The following REDIC1 variants were observed in gnomAD, a reference collection of about 807,000 sequenced individuals.
REDIC1 encodes the protein regulator of DNA class I crossover intermediates 1.
chr12:39,651,623 T>C, the REDIC1 span, among the ~76,000 whole-genome samples: 1 of 152,190 alleles, frequency 6.6e-6, no homozygotes, highest in Non-Finnish European at 1.5e-5. Context: ...CTACTTACAT[T>C]TCTGTTTGTA....
At chr12:39,701,833 A>G in the REDIC1 span, among the ~76,000 whole-genome samples, 7 of 151,886 alleles carry the variant, frequency 4.6e-5, no homozygotes, top group Non-Finnish European at 2.9e-5. Flanking sequence ...CTGCTCCTGA[A>G]TGACTACTGG....
chr12:39,864,936 C>T, the REDIC1 span: 12 of 1,504,038 alleles, frequency 8.0e-6, no homozygotes, highest in Non-Finnish European at 9.8e-6. Flanking sequence ...TGTTTTAAGG[C>T]AGACTGGGTT....
the REDIC1 span, among the ~76,000 whole-genome samples, chr12:39,699,076 T>C: frequency 6.6e-6 from 1 of 152,114 alleles, no homozygotes; most frequent in Admixed American, 6.5e-5. Flanking sequence ...TTAAACAAAA[T>C]TGACAAACAT....
chr12:39,810,946 G>A, the REDIC1 span, among the ~76,000 whole-genome samples: 1 of 152,062 alleles, frequency 6.6e-6, no homozygotes, highest in Non-Finnish European at 1.5e-5. Context: ...CTTATAAAAT[G>A]AGTTGGGAAA....
the REDIC1 span, among the ~76,000 whole-genome samples, chr12:39,644,855 G>A: frequency 6.6e-6 from 1 of 151,904 alleles, no homozygotes; most frequent in African/African-American, 2.4e-5. Flanking sequence ...GATTTATTTA[G>A]TAAGTTTTAT....
the REDIC1 span, among the ~76,000 whole-genome samples, chr12:39,773,009 C>A: frequency 6.6e-6 from 1 of 152,128 alleles, no homozygotes; most frequent in Non-Finnish European, 1.5e-5. Flanking sequence ...ACTAGAAATA[C>A]CAACTAAAAA....
chr12:39,644,311 TG>T, the REDIC1 span, among the ~76,000 whole-genome samples: 4 of 151,804 alleles, frequency 2.6e-5, no homozygotes, highest in Non-Finnish European at 4.4e-5. Context: ...CAAAGATTTT[TG>T]CTTCAATGAC....
chr12:39,725,993 C>A, the REDIC1 span, among the ~76,000 whole-genome samples: 1 of 152,068 alleles, frequency 6.6e-6, no homozygotes, highest in Non-Finnish European at 1.5e-5. Flanking sequence ...GTGATACTTG[C>A]ATTATGCTCA....
the REDIC1 span, among the ~76,000 whole-genome samples, chr12:39,719,266 G>A: frequency 2.6e-5 from 4 of 152,012 alleles, no homozygotes; most frequent in Non-Finnish European, 5.9e-5. Context: ...AAAGGATCCT[G>A]CTTATAATTA....
the REDIC1 span, among the ~76,000 whole-genome samples, chr12:39,823,053 A>G: frequency 6.6e-6 from 1 of 152,234 alleles, no homozygotes; most frequent in East Asian, 1.9e-4. Flanking sequence ...GTAACAGCCT[A>G]GAGGCATGTG....
chr12:39,896,209 T>C, the REDIC1 span, among the ~76,000 whole-genome samples: 5 of 148,852 alleles, frequency 3.4e-5, no homozygotes, highest in South Asian at 2.1e-4. Flanking sequence ...TGTATACATG[T>C]ATATACGTAT....
the REDIC1 span, among the ~76,000 whole-genome samples, chr12:39,742,683 T>G: frequency 6.6e-6 from 1 of 152,204 alleles, no homozygotes; most frequent in African/African-American, 2.4e-5. Flanking sequence ...AGCTGGAATT[T>G]TTCATGTTGT....
chr12:39,753,038 G>C, the REDIC1 span, among the ~76,000 whole-genome samples: 1 of 152,214 alleles, frequency 6.6e-6, no homozygotes, highest in East Asian at 1.9e-4. Flanking sequence ...AATGCTACTA[G>C]TCTGAGGACC....
At chr12:39,859,770 C>T in the REDIC1 span, among the ~76,000 whole-genome samples, 1 of 152,086 alleles carries the variant, frequency 6.6e-6, no homozygotes, top group Non-Finnish European at 1.5e-5. Context: ...TGGTGATCCG[C>T]CTGACTTGGC....
At chr12:39,807,185 G>A in the REDIC1 span, among the ~76,000 whole-genome samples, 2 of 152,194 alleles carry the variant, frequency 1.3e-5, no homozygotes, top group East Asian at 1.9e-4. Flanking sequence ...GTGGTCATGA[G>A]GAGTTAAGGA....
At chr12:39,658,655 C>T in the REDIC1 span, among the ~76,000 whole-genome samples, 4 of 152,116 alleles carry the variant, frequency 2.6e-5, no homozygotes, top group Non-Finnish European at 5.9e-5. Flanking sequence ...TTGTCCATCC[C>T]TTTGCCTCTT....
chr12:39,736,898 T>C, the REDIC1 span: 1 of 152,200 alleles, frequency 6.6e-6, no homozygotes, highest in Non-Finnish European at 1.5e-5. Flanking sequence ...CCCCAGCCCA[T>C]GGTGAGTAGA....
chr12:39,782,537 T>C, the REDIC1 span, among the ~76,000 whole-genome samples: 1 of 152,162 alleles, frequency 6.6e-6, no homozygotes, highest in Non-Finnish European at 1.5e-5. Context: ...ATTAAACCTC[T>C]TTTTCTTCCC....
chr12:39,716,830 T>C, the REDIC1 span: 2 of 1,592,928 alleles, frequency 1.3e-6, no homozygotes, highest in Non-Finnish European at 8.5e-7. Flanking sequence ...CAGTTCTAGT[T>C]CAGATTTGGT....
Sources: allele counts gnomAD v4.1 joint callset (sites outside exome capture counted in the v4.1 genomes callset), GRCh38; gene constraint gnomAD v4.1.1; transcripts MANE v1.5; gene names NCBI Gene and HGNC (gene_info 2026-07-23, HGNC 2026-07-21).